MDGA2: variants seen among roughly 807,000 people sequenced by gnomAD.
The protein encoded by MDGA2 is MAM domain-containing glycosylphosphatidylinositol anchor protein 2.
Under a neutral mutation model 117.8 loss-of-function variants are expected in MDGA2, and 40 were observed. The observed-to-expected ratio is 0.34, with a 90% CI of 0.26 to 0.44. MDGA2 has a LOEUF of 0.44. Ranked by LOEUF, MDGA2 falls within the 20% of genes least tolerant of loss-of-function variation. The pLI is 1.00. For missense variants in MDGA2, 1,123 were observed against 1,250.6 expected (o/e 0.90, Z 1.54); for synonymous variants, 452 against 439.0 (o/e 1.03, Z -0.37).
intron 5 of MDGA2, among the ~76,000 whole-genome samples, chr14:47,118,361 G>A (rs1210847315): frequency 3.9e-5 from 6 of 152,078 alleles, no homozygotes; most frequent in Non-Finnish European, 7.4e-5. Flanking sequence ...ATTGAATATT[G>A]CTTAAAGAAA....
At chr14:47,228,965 T>G (rs1022298640) in intron 2 of MDGA2, among the ~76,000 whole-genome samples, 1 of 152,008 alleles carries the variant, frequency 6.6e-6, no homozygotes, top group African/African-American at 2.4e-5. Context: ...CTCCCAAAAT[T>G]AAAGCAAATT....
chr14:47,399,697 T>C (rs566812935), intron 1 of MDGA2, among the ~76,000 whole-genome samples: 1 of 152,276 alleles, frequency 6.6e-6, no homozygotes, highest in East Asian at 1.9e-4. Context: ...GCTCAATAAT[T>C]GATTTTTTAA....
At chr14:47,545,468 T>C (rs1895444188) in intron 1 of MDGA2, among the ~76,000 whole-genome samples, 1 of 152,126 alleles carries the variant, frequency 6.6e-6, no homozygotes, top group Admixed American at 6.6e-5. Flanking sequence ...ATACACTTTA[T>C]TTCTCAAAAA....
chr14:47,068,676 T>C (rs1415988451), intron 6 of MDGA2, among the ~76,000 whole-genome samples: 1 of 152,100 alleles, frequency 6.6e-6, no homozygotes, highest in Non-Finnish European at 1.5e-5. Flanking sequence ...TATATTATAC[T>C]TTTTATTAGT....
chr14:47,431,188 G>C (rs1892791426), intron 1 of MDGA2, among the ~76,000 whole-genome samples: 1 of 152,002 alleles, frequency 6.6e-6, no homozygotes, highest in African/African-American at 2.4e-5. Context: ...TGAATCCTTA[G>C]AGAGAATGAA....
At chr14:47,322,246 G>A (rs1890002084) in intron 1 of MDGA2, among the ~76,000 whole-genome samples, 1 of 152,088 alleles carries the variant, frequency 6.6e-6, no homozygotes, top group Admixed American at 6.6e-5. Flanking sequence ...AAACAGCAGA[G>A]TAAACAGTTG....
At chr14:46,875,823 G>A (rs1882205057) in intron 12 of MDGA2, among the ~76,000 whole-genome samples, 1 of 151,546 alleles carries the variant, frequency 6.6e-6, no homozygotes, top group African/African-American at 2.4e-5. Context: ...CAAATGTAAA[G>A]ATAAAGGATT....
intron 1 of MDGA2, among the ~76,000 whole-genome samples, chr14:47,657,732 A>T (rs1253178292): frequency 6.6e-6 from 1 of 152,204 alleles, no homozygotes; most frequent in Admixed American, 6.5e-5. Flanking sequence ...TCCACTGAAC[A>T]GAAAAGAAGG....
At chr14:47,520,366 GA>G (rs1894843831) in intron 1 of MDGA2, among the ~76,000 whole-genome samples, 1 of 152,046 alleles carries the variant, frequency 6.6e-6, no homozygotes, top group African/African-American at 2.4e-5. Context: ...CACTGAAAAT[GA>G]TCATCCAAAA....
At chr14:47,565,657 T>G (rs2416095) in intron 1 of MDGA2, among the ~76,000 whole-genome samples, 31,031 of 152,136 alleles carry the variant, frequency 0.2, 3,399 homozygotes, top group African/African-American at 0.26. Context: ...GAGTGCATGC[T>G]CATTGGATGG....
intron 1 of MDGA2, among the ~76,000 whole-genome samples, chr14:47,567,137 G>A (rs1011166833): frequency 3.8e-4 from 58 of 151,866 alleles, no homozygotes; most frequent in African/African-American, 1.3e-3. Flanking sequence ...ATGGGCTCAA[G>A]TGATCCTCCC....
intron 3 of MDGA2, among the ~76,000 whole-genome samples, chr14:47,212,539 C>G (rs922441877): frequency 1.3e-5 from 2 of 152,152 alleles, no homozygotes; most frequent in Non-Finnish European, 2.9e-5. Context: ...CTCCTCTTAA[C>G]TATTTATAAA....
intron 3 of MDGA2, among the ~76,000 whole-genome samples, chr14:47,154,045 C>CA (rs1160417354): frequency 1.3e-5 from 2 of 151,888 alleles, no homozygotes; most frequent in Non-Finnish European, 2.9e-5. Context: ...TTGGCTCTAA[C>CA]AAAAACATAA....
At chr14:47,006,829 C>A (rs114585072) in intron 8 of MDGA2, among the ~76,000 whole-genome samples, 1,746 of 151,502 alleles carry the variant, frequency 0.012, 31 homozygotes, top group African/African-American at 0.04. Context: ...TAAAATAACC[C>A]CCTAGGTCTC....
At chr14:47,390,330 T>C (rs920773708) in intron 1 of MDGA2, among the ~76,000 whole-genome samples, 6 of 152,192 alleles carry the variant, frequency 3.9e-5, no homozygotes, top group Non-Finnish European at 8.8e-5. Flanking sequence ...GGGAAGTAAC[T>C]TTTTGAAATG....
chr14:47,638,121 T>TAGAAATACTC (rs1189912924), intron 1 of MDGA2, among the ~76,000 whole-genome samples: 1 of 152,128 alleles, frequency 6.6e-6, no homozygotes, highest in East Asian at 1.9e-4. Context: ...AAATACTCAG[T>TAGAAATACTC]AGAAAAGGGG....
At chr14:47,511,418 A>G (rs12432039) in intron 1 of MDGA2, among the ~76,000 whole-genome samples, 35,751 of 152,078 alleles carry the variant, frequency 0.24, 5,014 homozygotes, top group South Asian at 0.47. Flanking sequence ...AGGTTCTTGT[A>G]TTTACATACT....
intron 1 of MDGA2, among the ~76,000 whole-genome samples, chr14:47,628,074 G>T (rs1399154995): frequency 6.6e-6 from 1 of 152,152 alleles, no homozygotes; most frequent in African/African-American, 2.4e-5. Context: ...GGGGTAGGTA[G>T]GTAGAAAAGG....
chr14:47,440,003 T>G (rs2416078), intron 1 of MDGA2, among the ~76,000 whole-genome samples: 67,635 of 151,846 alleles, frequency 0.45, 15,453 homozygotes, highest in Middle Eastern at 0.58. Flanking sequence ...CTGCACCTGG[T>G]GTGCACTGTT....
Sources: gnomAD v4.1 joint callset for allele counts (sites outside exome capture counted in the v4.1 genomes callset) on GRCh38, gnomAD v4.1.1 for gene constraint, MANE v1.5 for transcripts, NCBI Gene and HGNC (gene_info 2026-07-23, HGNC 2026-07-21) for gene names.